The following FAM53B variants were observed in gnomAD, a reference collection of about 807,000 sequenced individuals.
FAM53B encodes family with sequence similarity 53 member B.
In FAM53B, 12 loss-of-function variants were observed where a neutral mutation model predicts 32.7. The ratio of observed to expected loss-of-function variants is 0.37; its 90% CI spans 0.24 to 0.59. The LOEUF is 0.59. FAM53B is among the 20% of genes least tolerant of loss of function. The pLI is 0.72. For synonymous variants in FAM53B, 234 were observed against 228.7 expected (o/e 1.02, Z -0.21); for missense variants, 477 against 577.7 (o/e 0.83, Z 1.79).
Position 124,682,467 on chromosome 10 carries a change from A to G in FAM53B, c.134-88T>C, listed in dbSNP as rs1949779823. The stretch of plus-strand genomic sequence containing the variant: ...ATCTCCACACCAACAGCCCGTTTCA[A>G]ACACAGTATCTTAGAGCCAAAAGGC... On this transcript the variant is annotated intron_variant, in intron 3 of 4. Transcript: ENST00000337318. The surrounding 1 kb of genome is among the most constrained non-coding windows in gnomAD (Gnocchi z 5.2). 8.2e-7 allele frequency: 1 copy of G among 1,219,462 alleles called. No homozygotes were observed. The highest frequency in any genetic ancestry group is 2.4e-5 in the East Asian group (1 of 40,878). The allele number at this position is 1,219,462 out of a possible 1,614,324, so 75.5% of individuals were successfully genotyped here.
chr10:124,659,322 GGA>G (rs1949614287), intron 4 of FAM53B, among the ~76,000 whole-genome samples: 1 of 152,238 alleles, frequency 6.6e-6, no homozygotes, highest in Non-Finnish European at 1.5e-5. Flanking sequence ...TTATTTAAAG[GGA>G]GAGATACAAC....
chr10:124,693,611 T>C lies in FAM53B; in HGVS notation c.133+2547A>G, dbSNP rs560671667. 5.0e-4 allele frequency among the ~76,000 whole-genome samples: 76 copies of C among 152,302 alleles called. 1 individual carries two copies. The highest frequency in any genetic ancestry group is 9.1e-4 in the Non-Finnish European group (62 of 68,026). On this transcript the variant is annotated intron_variant, in intron 3 of 4. Transcript: ENST00000337318. ...GACAGAGTGCACGGGGTAAGGCTCC[T>C]GACTGCTGACACCCGCTCCGCTCCA...
In FAM53B at chr10:124,733,966, CTCTCCTGG is replaced by C. The variant is rs973309704; in HGVS notation, c.-175+10039_-175+10046del. ...ATGGTGCTGTGACTGGGGACACCTG[CTCTCCTGG>C]TCTCGAATGTCTCCTCCTCCCCGTT... On this transcript the variant is annotated intron_variant, in intron 1 of 4. Coordinates refer to ENST00000337318, the MANE Select transcript of FAM53B (RefSeq NM_014661.4). This position sits in a 1 kb window ranked among gnomAD's most constrained non-coding sequence, Gnocchi z 4.3. Among the ~76,000 whole-genome samples, 17 of 152,238 alleles carry C rather than the reference CTCTCCTGG, an allele frequency of 1.1e-4. No individual in the cohort carries two copies. Among genetic ancestry groups the C allele is most frequent in the Admixed American group, 2.6e-4 (4 of 15,288 alleles).
chr10:124,706,110 C>T (rs1331014274), intron 2 of FAM53B, among the ~76,000 whole-genome samples: 4 of 152,218 alleles, frequency 2.6e-5, no homozygotes, highest in African/African-American at 9.7e-5. Flanking sequence ...GAGTTAGCTA[C>T]CTCTCTGCGC....
chr10:124,667,938 A>G (rs1479733301), intron 4 of FAM53B, among the ~76,000 whole-genome samples: 1 of 152,174 alleles, frequency 6.6e-6, no homozygotes, highest in Non-Finnish European at 1.5e-5. Flanking sequence ...AGGCCCAGGG[A>G]GGGGCAGCGA....
chr10:124,689,623 C>T (rs971939678), intron 3 of FAM53B, among the ~76,000 whole-genome samples: 1 of 152,200 alleles, frequency 6.6e-6, no homozygotes, highest in Non-Finnish European at 1.5e-5. Flanking sequence ...AGAAGGCAGG[C>T]GGGTCTGCAG....
intron 4 of FAM53B, among the ~76,000 whole-genome samples, chr10:124,629,485 T>C (rs1949377273): frequency 6.6e-6 from 1 of 152,150 alleles, no homozygotes; most frequent in African/African-American, 2.4e-5. Context: ...GAAAGGGCCA[T>C]CAACAAGCCC....
intron 1 of FAM53B, among the ~76,000 whole-genome samples, chr10:124,741,524 G>C (rs1289515099): frequency 1.3e-5 from 2 of 152,210 alleles, no homozygotes; most frequent in Non-Finnish European, 1.5e-5. Flanking sequence ...GCCTCCAAAA[G>C]GGGAGGAGAG....
chr10:124,627,299 G>A (rs975580920), intron 4 of FAM53B, among the ~76,000 whole-genome samples: 12 of 152,138 alleles, frequency 7.9e-5, no homozygotes, highest in South Asian at 2.1e-4. Context: ...TCCATGCCCC[G>A]GGGCAAGGTC....
intron 4 of FAM53B, among the ~76,000 whole-genome samples, chr10:124,636,900 GC>G (rs1564863567): frequency 6.6e-6 from 1 of 151,908 alleles, no homozygotes; most frequent in Non-Finnish European, 1.5e-5. Context: ...AGATGCAGAG[GC>G]GGAGTTCCCA....
Position 124,682,771 on chromosome 10 carries a change from C to A in FAM53B, c.134-392G>T, listed in dbSNP as rs192360640. Among the ~76,000 whole-genome samples, 1 of 152,352 alleles carries A rather than the reference C, an allele frequency of 6.6e-6. No homozygotes were observed. Among genetic ancestry groups the A allele is most frequent in the Non-Finnish European group, 1.5e-5 (1 of 68,034 alleles). ...CCCCTGGCTGATGAGAGAGTCGGGA[C>A]AAGACATCTGTTAAGTGCCACCAGG... On this transcript the variant is annotated intron_variant, in intron 3 of 4. Coordinates refer to ENST00000337318, the MANE Select transcript of FAM53B (RefSeq NM_014661.4). The surrounding 1 kb of genome is among the most constrained non-coding windows in gnomAD (Gnocchi z 5.2).
chr10:124,672,057 T>C (rs1255895612), intron 4 of FAM53B, among the ~76,000 whole-genome samples: 1 of 152,226 alleles, frequency 6.6e-6, no homozygotes, highest in Non-Finnish European at 1.5e-5. Context: ...ATAAATGGGC[T>C]CCTGTCAGCA....
At chr10:124,649,956 C>T (rs925408329) in intron 4 of FAM53B, among the ~76,000 whole-genome samples, 2 of 152,136 alleles carry the variant, frequency 1.3e-5, no homozygotes, top group African/African-American at 2.4e-5. Context: ...CGGCCCAGGG[C>T]AGTCACTTGC....
chr10:124,725,571 G>A (rs1950096381), intron 1 of FAM53B, among the ~76,000 whole-genome samples: 1 of 152,158 alleles, frequency 6.6e-6, no homozygotes, highest in African/African-American at 2.4e-5. Flanking sequence ...ACCCAAATGC[G>A]GCCTGTCTTT....
intron 1 of FAM53B, chr10:124,743,029 G>C (rs1027007575): frequency 6.6e-6 from 1 of 152,174 alleles, no homozygotes; most frequent in African/African-American, 2.4e-5. Flanking sequence ...GCGTCCGAAC[G>C]CGAGGGACCC....
intron 4 of FAM53B, among the ~76,000 whole-genome samples, chr10:124,665,558 T>C (rs1482579276): frequency 6.6e-6 from 1 of 152,212 alleles, no homozygotes; most frequent in Non-Finnish European, 1.5e-5. Context: ...AACAATCCCA[T>C]ATGCATACAT....
intron 1 of FAM53B, among the ~76,000 whole-genome samples, chr10:124,740,050 A>G (rs1385700624): frequency 2.0e-5 from 3 of 152,198 alleles, no homozygotes; most frequent in African/African-American, 7.2e-5. Flanking sequence ...GGGGAAAGAA[A>G]ATAAAATCTT....
intron 4 of FAM53B, among the ~76,000 whole-genome samples, chr10:124,632,570 G>A (rs1211121207): frequency 6.6e-6 from 1 of 152,220 alleles, no homozygotes; most frequent in African/African-American, 2.4e-5. Flanking sequence ...GTGGGCACTC[G>A]TTCGCATTCA....
chr10:124,642,308 G>A (rs930033245), intron 4 of FAM53B, among the ~76,000 whole-genome samples: 7 of 152,212 alleles, frequency 4.6e-5, no homozygotes, highest in South Asian at 2.1e-4. Context: ...CAGCCAGAGC[G>A]CCATGCGTGT....
Sources: gnomAD v4.1 joint callset for allele counts (sites outside exome capture counted in the v4.1 genomes callset) on GRCh38, gnomAD v4.1.1 for gene constraint, Gnocchi (gnomAD v3.1) non-coding constraint, MANE v1.5 for transcripts, NCBI Gene and HGNC (gene_info 2026-07-23, HGNC 2026-07-21) for gene names.